Variants in TENM2 observed in about 807,000 individuals in gnomAD.
The protein encoded by TENM2 is teneurin transmembrane protein 2.
In TENM2, 52 loss-of-function variants were observed where a neutral mutation model predicts 245.2. The observed-to-expected ratio is 0.21, with a 90% CI of 0.17 to 0.27. The LOEUF (loss-of-function observed/expected upper bound fraction) is 0.27. Among genes scored for constraint, TENM2 ranks in the 10% least tolerant of loss-of-function variants. The pLI, the probability that TENM2 is intolerant of heterozygous loss-of-function variation, is 1.00. For synonymous variants in TENM2, 1,363 were observed against 1,438.9 expected, an observed-to-expected ratio of 0.95 and a Z score of 1.19; for missense variants, 3,046 against 3,666.8, an observed-to-expected ratio of 0.83 and a Z score of 4.37.
At chr5:167,499,796 G>A (rs889223042) in intron 2 of TENM2, among the ~76,000 whole-genome samples, 5 of 151,800 alleles carry the variant, frequency 3.3e-5, no homozygotes, top group African/African-American at 9.7e-5. Context: ...GTGTGTGTTA[G>A]TGTATGTGAG....
At chr5:167,933,945 A>T (rs1778492008) in intron 3 of TENM2, among the ~76,000 whole-genome samples, 1 of 152,256 alleles carries the variant, frequency 6.6e-6, no homozygotes, top group South Asian at 2.1e-4. Flanking sequence ...CATTATCATC[A>T]ATATTGTTAA....
chr5:168,033,476 AAATGTCTT>A (rs1787309872), intron 5 of TENM2, among the ~76,000 whole-genome samples: 1 of 152,126 alleles, frequency 6.6e-6, no homozygotes, highest in African/African-American at 2.4e-5. Flanking sequence ...GATCAATGAG[AAATGTCTT>A]AAAAGCAGGT....
intron 7 of TENM2, among the ~76,000 whole-genome samples, chr5:168,078,388 A>G (rs1414586448): frequency 1.3e-5 from 2 of 151,918 alleles, no homozygotes; most frequent in African/African-American, 2.4e-5. Flanking sequence ...TTGCCAGTTC[A>G]CTCTGATGGT....
the TENM2 span, among the ~76,000 whole-genome samples, chr5:167,183,447 A>G: frequency 6.6e-6 from 1 of 152,200 alleles, no homozygotes; most frequent in African/African-American, 2.4e-5. Flanking sequence ...CAGCTAGACA[A>G]TATAGCCAAC....
chr5:167,142,507 A>C, the TENM2 span, among the ~76,000 whole-genome samples: 1 of 151,886 alleles, frequency 6.6e-6, no homozygotes, highest in East Asian at 1.9e-4. Context: ...GACTAAGAAC[A>C]AACACATAGA....
At chr5:167,227,571 G>C in the TENM2 span, among the ~76,000 whole-genome samples, 2 of 152,076 alleles carry the variant, frequency 1.3e-5, no homozygotes, top group African/African-American at 4.8e-5. Context: ...TCAGCACTTT[G>C]AATATATCAT....
intron 23 of TENM2, among the ~76,000 whole-genome samples, chr5:168,224,290 G>C (rs1042435512): frequency 6.6e-6 from 1 of 152,132 alleles, no homozygotes; most frequent in Middle Eastern, 3.2e-3. Flanking sequence ...TGGGGCCCTG[G>C]GCGAGTGATA....
At chr5:167,811,613 G>A (rs1272980743) in intron 2 of TENM2, among the ~76,000 whole-genome samples, 1 of 152,250 alleles carries the variant, frequency 6.6e-6, no homozygotes, top group African/African-American at 2.4e-5. Context: ...CACCTACTGT[G>A]TGCCAAATAT....
At chr5:167,559,244 T>A (rs1773440030) in intron 2 of TENM2, among the ~76,000 whole-genome samples, 1 of 152,170 alleles carries the variant, frequency 6.6e-6, no homozygotes, top group South Asian at 2.1e-4. Context: ...CATCTCTACA[T>A]CCCAGCAAAT....
At chr5:167,269,956 C>G in the TENM2 span, among the ~76,000 whole-genome samples, 139,313 of 152,174 alleles carry the variant, frequency 0.92, 63,877 homozygotes, top group East Asian at 0.98. Flanking sequence ...AACAAGTAGT[C>G]AGATAGTTAT....
intron 2 of TENM2, among the ~76,000 whole-genome samples, chr5:167,389,137 A>G (rs1761610583): frequency 6.6e-6 from 1 of 151,858 alleles, no homozygotes; most frequent in African/African-American, 2.4e-5. Context: ...TATGCTGCCC[A>G]AAGTAAGATA....
chr5:167,311,851 C>A (rs2127755025), intron 1 of TENM2, among the ~76,000 whole-genome samples: 1 of 152,242 alleles, frequency 6.6e-6, no homozygotes, highest in Admixed American at 6.5e-5. Flanking sequence ...ATGCAACAAT[C>A]CGTTTATATC....
intron 2 of TENM2, among the ~76,000 whole-genome samples, chr5:167,401,561 A>G (rs1239009052): frequency 6.6e-6 from 1 of 152,174 alleles, no homozygotes; most frequent in African/African-American, 2.4e-5. Context: ...TTAAAAATGT[A>G]GTGCCTCTGC....
At chr5:167,838,059 C>A (rs1199786095) in intron 2 of TENM2, among the ~76,000 whole-genome samples, 1 of 152,164 alleles carries the variant, frequency 6.6e-6, no homozygotes, top group African/African-American at 2.4e-5. Flanking sequence ...CGACTTGAAC[C>A]ACTAGTGTGA....
At chr5:167,915,552 G>A (rs1302794052) in intron 3 of TENM2, among the ~76,000 whole-genome samples, 2 of 152,076 alleles carry the variant, frequency 1.3e-5, no homozygotes, top group Non-Finnish European at 1.5e-5. Flanking sequence ...GAAGCATGTG[G>A]GTGGGTCTCA....
At chr5:167,470,453 G>GTGTTTTT (rs1766938434) in intron 2 of TENM2, among the ~76,000 whole-genome samples, 1 of 10,818 alleles carries the variant, frequency 9.2e-5, no homozygotes, top group South Asian at 2.2e-3. Context: ...GGCAATGCTT[G>GTGTTTTT]CTTTTTTTTT....
At chr5:167,523,114 T>G (rs1654651266) in intron 2 of TENM2, among the ~76,000 whole-genome samples, 1 of 152,142 alleles carries the variant, frequency 6.6e-6, no homozygotes, top group South Asian at 2.1e-4. Context: ...AGGATACATG[T>G]GATAGCATCT....
chr5:168,209,730 G>C (rs1762643527), intron 19 of TENM2, among the ~76,000 whole-genome samples: 1 of 152,204 alleles, frequency 6.6e-6, no homozygotes, highest in Non-Finnish European at 1.5e-5. Flanking sequence ...AGCACTAAGG[G>C]AAGCAGCCTC....
chr5:167,869,138 A>G (rs1325219461), intron 2 of TENM2, among the ~76,000 whole-genome samples: 1 of 152,202 alleles, frequency 6.6e-6, no homozygotes, highest in Non-Finnish European at 1.5e-5. Context: ...AGGAAGATAA[A>G]ACTGGATGAG....
Sources: gnomAD v4.1 joint callset for allele counts (sites outside exome capture counted in the v4.1 genomes callset) on GRCh38, gnomAD v4.1.1 for gene constraint, MANE v1.5 for transcripts, NCBI Gene and HGNC (gene_info 2026-07-23, HGNC 2026-07-21) for gene names.